The following DCT variants were observed in gnomAD, a reference collection of about 807,000 sequenced individuals.
The protein encoded by DCT is dopachrome tautomerase, also known as L-dopachrome tautomerase.
In DCT, 47 loss-of-function variants were observed where a neutral mutation model predicts 53.0. The observed-to-expected ratio is 0.89, with a 90% CI of 0.70 to 1.13. The LOEUF is 1.13. DCT is among the 50% of genes most tolerant of loss of function. The pLI is 0.00. For missense variants in DCT, 669 were observed against 637.4 expected (o/e 1.05, Z -0.53); for synonymous variants, 244 against 237.0 (o/e 1.03, Z -0.27).
At chr13:94,547,984 A>AAAAAAAAAAAAAATATAT in the DCT span, among the ~76,000 whole-genome samples, 2 of 65,844 alleles carry the variant, frequency 3.0e-5, no homozygotes, top group African/African-American at 2.6e-4. Flanking sequence ...AAAAAAAAAA[A>AAAAAAAAAAAAAATATAT]ATATATATAT....
chr13:94,540,405 G>T, the DCT span, among the ~76,000 whole-genome samples: 1 of 152,158 alleles, frequency 6.6e-6, no homozygotes, highest in Non-Finnish European at 1.5e-5. Flanking sequence ...AGATGAGAAA[G>T]ACTGTGGGAG....
chr13:94,493,117 G>A, the DCT span, among the ~76,000 whole-genome samples: 81 of 152,120 alleles, frequency 5.3e-4, no homozygotes, highest in African/African-American at 1.8e-3. Flanking sequence ...ACATGACCCC[G>A]AAGAAAAGAA....
the DCT span, among the ~76,000 whole-genome samples, chr13:94,518,152 AG>A: frequency 9.9e-4 from 142 of 143,242 alleles, 3 homozygotes; most frequent in African/African-American, 3.4e-3. Context: ...GAAGGAAGGA[AG>A]GAATGAAGGA....
At chr13:94,440,906 C>T (rs1037228456) in intron 7 of DCT, among the ~76,000 whole-genome samples, 9 of 152,084 alleles carry the variant, frequency 5.9e-5, no homozygotes, top group African/African-American at 2.2e-4. Flanking sequence ...GTCTGAAACT[C>T]CTGACTGCAG....
chr13:94,543,979 G>A, the DCT span, among the ~76,000 whole-genome samples: 2 of 150,456 alleles, frequency 1.3e-5, no homozygotes, highest in African/African-American at 2.5e-5. Context: ...AGGTTGCAGT[G>A]AGCCGAGATC....
intron 1 of DCT, among the ~76,000 whole-genome samples, chr13:94,471,759 C>T (rs1321542170): frequency 1.3e-5 from 2 of 152,180 alleles, no homozygotes; most frequent in Admixed American, 1.3e-4. Context: ...TTTCCAGCTG[C>T]CTATCTATAG....
chr13:94,513,749 G>T, the DCT span, among the ~76,000 whole-genome samples: 1 of 152,050 alleles, frequency 6.6e-6, no homozygotes, highest in Admixed American at 6.6e-5. Context: ...CACTTTGGGA[G>T]GCCAAGGTGG....
chr13:94,451,992 C>A (rs9524494), intron 6 of DCT, among the ~76,000 whole-genome samples: 7,900 of 151,598 alleles, frequency 0.052, 304 homozygotes, highest in Non-Finnish European at 0.078. Flanking sequence ...AAAGGAGGTG[C>A]AAATGGATTT....
In DCT at chr13:94,479,250, G is replaced by A. The variant is rs1373820351; in HGVS notation, c.6C>T (p.Ser2=). M[S]PLWWGFLLSC... is the part of the protein sequence containing the mutation. Reference sequence around the variant, plus strand: ...TGAGCAGAAACCCCCACCAAAGGGGGCTCATGGCTTTATAATTGGGAGAGC... The same window carrying A: ...TGAGCAGAAACCCCCACCAAAGGGGACTCATGGCTTTATAATTGGGAGAGC... Residue 2 remains serine (S), a synonymous_variant, in exon 1 of 8, where the codon AGC becomes AGT. Transcript: ENST00000377028. 1 of 1,575,482 alleles carries A rather than the reference G, an allele frequency of 6.3e-7. No individual in the cohort carries two copies. Among genetic ancestry groups the A allele is most frequent in the Non-Finnish European group, 8.7e-7 (1 of 1,154,986 alleles).
intron 6 of DCT, among the ~76,000 whole-genome samples, chr13:94,459,577 G>A (rs1259803153): frequency 6.6e-6 from 1 of 152,044 alleles, no homozygotes; most frequent in Non-Finnish European, 1.5e-5. Context: ...GTCCAACAGG[G>A]GACACCAAGG....
the DCT span, among the ~76,000 whole-genome samples, chr13:94,520,720 G>T: frequency 2.0e-5 from 3 of 152,134 alleles, no homozygotes; most frequent in South Asian, 4.1e-4. Context: ...GAAAAAAAAG[G>T]ACTGAGAAAC....
chr13:94,450,948 T>C (rs1193474274), intron 6 of DCT, among the ~76,000 whole-genome samples: 1 of 152,194 alleles, frequency 6.6e-6, no homozygotes, highest in Admixed American at 6.5e-5. Context: ...TGGATGTAAT[T>C]CATAGGTTTA....
intron 6 of DCT, among the ~76,000 whole-genome samples, chr13:94,446,210 T>C (rs189752926): frequency 8.6e-4 from 131 of 152,224 alleles, no homozygotes; most frequent in African/African-American, 3.0e-3. Context: ...ACTGAGAAGG[T>C]AGGGAAGATA....
the DCT span, among the ~76,000 whole-genome samples, chr13:94,501,841 A>T: frequency 6.6e-6 from 1 of 152,136 alleles, no homozygotes; most frequent in Non-Finnish European, 1.5e-5. Flanking sequence ...CTGCAGATTG[A>T]GCAGAGACCA....
At chr13:94,457,146 A>G (rs969388722) in intron 6 of DCT, among the ~76,000 whole-genome samples, 10 of 152,248 alleles carry the variant, frequency 6.6e-5, no homozygotes, top group African/African-American at 1.9e-4. Flanking sequence ...AAAAAAGAAA[A>G]GAAAAACAAA....
chr13:94,483,754 G>A (rs926541690), upstream of DCT, among the ~76,000 whole-genome samples: 2 of 152,004 alleles, frequency 1.3e-5, no homozygotes, highest in Non-Finnish European at 2.9e-5. Context: ...CTCCCACCTC[G>A]GCCTCCCAAA....
the DCT span, among the ~76,000 whole-genome samples, chr13:94,493,307 C>A: frequency 6.6e-6 from 1 of 152,026 alleles, no homozygotes; most frequent in Non-Finnish European, 1.5e-5. Flanking sequence ...TGAAAAAAAA[C>A]CTGACAAAAA....
the DCT span, among the ~76,000 whole-genome samples, chr13:94,512,298 G>T: frequency 6.6e-6 from 1 of 152,110 alleles, no homozygotes; most frequent in African/African-American, 2.4e-5. Context: ...ATTTGAGCGT[G>T]GCCTAGGACT....
the DCT span, among the ~76,000 whole-genome samples, chr13:94,547,983 A>AT: frequency 4.2e-4 from 47 of 111,838 alleles, no homozygotes; most frequent in African/African-American, 1.6e-3. Flanking sequence ...AAAAAAAAAA[A>AT]AATATATATA....
Sources: gnomAD v4.1 joint callset for allele counts (sites outside exome capture counted in the v4.1 genomes callset) on GRCh38, gnomAD v4.1.1 for gene constraint, MANE v1.5 for transcripts, NCBI Gene and HGNC (gene_info 2026-07-23, HGNC 2026-07-21) for gene names.